UBE2H: variants seen among roughly 807,000 people sequenced by gnomAD.
The protein encoded by UBE2H is ubiquitin conjugating enzyme E2 H, also known as ubiquitin-conjugating enzyme E2 H.
In UBE2H, 3 loss-of-function variants were observed where a neutral mutation model predicts 29.0. That is an observed-to-expected ratio of 0.10 (90% CI 0.05 to 0.27). The LOEUF is 0.27. Ranked by LOEUF, UBE2H falls within the 10% of genes least tolerant of loss-of-function variation. The pLI, the probability that UBE2H is intolerant of heterozygous loss-of-function variation, is 1.00. For synonymous variants in UBE2H, 69 were observed against 82.9 expected (o/e 0.83, Z 0.91); for missense variants, 68 against 228.2 (o/e 0.30, Z 4.52).
chr7:129,834,808 A>C lies in UBE2H; in HGVS notation c.*129T>G, dbSNP rs1433067316. 7 of 1,001,842 alleles carry C rather than the reference A, an allele frequency of 7.0e-6. No individual in the cohort carries two copies. The Admixed American group carries it at 1.4e-4, about 20-fold the overall frequency. The allele number at this position is 1,001,842 out of a possible 1,614,324, so 62.1% of individuals were successfully genotyped here. ...AAAGGGTGATATATAATATATATAT[A>C]TCAATGCTATTATTCATAAAAACCT... On this transcript the variant is annotated 3_prime_UTR_variant, in exon 7 of 7. Transcript: ENST00000355621.
chr7:129,857,745 A>G (rs1217682673), intron 4 of UBE2H, among the ~76,000 whole-genome samples, 182 bp from the exon 5 acceptor site: 2 of 152,238 alleles, frequency 1.3e-5, no homozygotes, highest in Non-Finnish European at 2.9e-5. Flanking sequence ...GTCACCTTAC[A>G]GACTGAAAGG....
At chr7:129,942,282 C>G (rs941583161) in intron 1 of UBE2H, among the ~76,000 whole-genome samples, 2 of 149,614 alleles carry the variant, frequency 1.3e-5, no homozygotes, top group African/African-American at 4.9e-5. Context: ...CACCTGTAAT[C>G]CCAGCACTCT....
At chr7:129,935,096 G>A (rs1172956015) in intron 1 of UBE2H, among the ~76,000 whole-genome samples, 2 of 151,406 alleles carry the variant, frequency 1.3e-5, no homozygotes, top group African/African-American at 4.8e-5. Context: ...ATACATAGAA[G>A]CAGAAATATA....
chr7:129,848,754 G>C (rs1173806751), intron 5 of UBE2H, among the ~76,000 whole-genome samples: 1 of 151,414 alleles, frequency 6.6e-6, no homozygotes, highest in Non-Finnish European at 1.5e-5. Context: ...CCAAAATAAA[G>C]CCAACCATGA....
chr7:129,937,695 T>G (rs1807559540), intron 1 of UBE2H, among the ~76,000 whole-genome samples: 1 of 152,234 alleles, frequency 6.6e-6, no homozygotes, highest in Non-Finnish European at 1.5e-5. Flanking sequence ...AATCAAGGCA[T>G]TCAAAGGTCT....
chr7:129,861,365 T>C (rs1467542627), intron 3 of UBE2H, among the ~76,000 whole-genome samples: 1 of 152,128 alleles, frequency 6.6e-6, no homozygotes, highest in Non-Finnish European at 1.5e-5. Flanking sequence ...TGTAGAATTC[T>C]TAGTGGTGGT....
At chr7:129,889,480 T>A (rs1806430875) in intron 1 of UBE2H, among the ~76,000 whole-genome samples, 1 of 152,216 alleles carries the variant, frequency 6.6e-6, no homozygotes, top group Non-Finnish European at 1.5e-5. Flanking sequence ...GCTCTAAATT[T>A]CTAAGTGTAA....
chr7:129,901,501 G>A (rs929312688), intron 1 of UBE2H, among the ~76,000 whole-genome samples: 3 of 152,186 alleles, frequency 2.0e-5, no homozygotes, highest in Non-Finnish European at 2.9e-5. Context: ...AGACTGGCTG[G>A]AGGGGAAGCC....
At chr7:129,897,980 GATAAAAAACTTTC>G (rs1444999300) in intron 1 of UBE2H, among the ~76,000 whole-genome samples, 1 of 151,928 alleles carries the variant, frequency 6.6e-6, no homozygotes, top group Non-Finnish European at 1.5e-5. Flanking sequence ...AAAGAAGTGG[GATAAAAAACTTTC>G]AACAAAAACT....
intron 3 of UBE2H, among the ~76,000 whole-genome samples, chr7:129,859,157 G>T (rs988636173): frequency 6.6e-6 from 1 of 152,058 alleles, no homozygotes; most frequent in Non-Finnish European, 1.5e-5. Context: ...GAGCAAACTG[G>T]GAGAAATGCA....
At chr7:129,883,368 G>C (rs1159865042) in intron 1 of UBE2H, among the ~76,000 whole-genome samples, 1 of 152,204 alleles carries the variant, frequency 6.6e-6, no homozygotes, top group Non-Finnish European at 1.5e-5. Flanking sequence ...ATGCCTGTCA[G>C]CGCTACTCCC....
At chr7:129,891,119 G>C (rs1584768926) in intron 1 of UBE2H, among the ~76,000 whole-genome samples, 1 of 147,618 alleles carries the variant, frequency 6.8e-6, no homozygotes, top group East Asian at 2.0e-4. Context: ...CTGGGTGACA[G>C]AGCAAGACTC....
At chr7:129,949,718 G>T (rs537159290) in intron 1 of UBE2H, among the ~76,000 whole-genome samples, 1 of 152,306 alleles carries the variant, frequency 6.6e-6, no homozygotes, top group South Asian at 2.1e-4. Context: ...GTGGAAGGCA[G>T]CGGCCAATTA....
At chr7:129,869,187 C>T (rs142487243) in intron 3 of UBE2H, among the ~76,000 whole-genome samples, 7,178 of 152,074 alleles carry the variant, frequency 0.047, 190 homozygotes, top group South Asian at 0.13. Context: ...ATCCGCCTGC[C>T]TCGGCCTCCC....
chr7:129,834,210 T>C lies in UBE2H; in HGVS notation c.*727A>G, dbSNP rs1805281657. Reference sequence around the variant, plus strand: ...AAAAACAGGTCTGGATTTCACGCTCTACCCCAAGAAAAAGAACTGGTTCAG... The same window carrying C: ...AAAAACAGGTCTGGATTTCACGCTCCACCCCAAGAAAAAGAACTGGTTCAG... On this transcript the variant is annotated 3_prime_UTR_variant, in exon 7 of 7. Coordinates refer to ENST00000355621, the MANE Select transcript of UBE2H (RefSeq NM_003344.4). 6.6e-6 allele frequency: 1 copy of C among 152,156 alleles called. No homozygotes were observed. Among genetic ancestry groups the C allele is most frequent in the Admixed American group, 6.5e-5 (1 of 15,272 alleles). The allele number at this position is 152,156 out of a possible 1,614,324, so 9.4% of individuals were successfully genotyped here.
At chr7:129,918,873 G>A (rs544345069) in intron 1 of UBE2H, among the ~76,000 whole-genome samples, 1 of 151,952 alleles carries the variant, frequency 6.6e-6, no homozygotes, top group Non-Finnish European at 1.5e-5. Context: ...ACTTGAGCCC[G>A]GGAGTTTGAA....
At chr7:129,882,146 AT>A (rs968801087) in intron 1 of UBE2H, among the ~76,000 whole-genome samples, 2 of 152,152 alleles carry the variant, frequency 1.3e-5, no homozygotes, top group Non-Finnish European at 2.9e-5. Context: ...CTAAGATTCA[AT>A]TCTAGAAACC....
At chr7:129,948,846 T>A (rs1807816744) in intron 1 of UBE2H, 1 of 295,776 alleles carries the variant, frequency 3.4e-6, no homozygotes, top group Admixed American at 4.5e-5. Flanking sequence ...ACAGGTCAGG[T>A]TTTCCTCTTC....
chr7:129,927,496 C>T (rs144327120), intron 1 of UBE2H, among the ~76,000 whole-genome samples: 9,393 of 152,234 alleles, frequency 0.062, 364 homozygotes, highest in Non-Finnish European at 0.091. Context: ...GCCGAGATTG[C>T]GCCACTGCAC....
Sources: gnomAD v4.1 joint callset for allele counts (sites outside exome capture counted in the v4.1 genomes callset) on GRCh38, gnomAD v4.1.1 for gene constraint, MANE v1.5 for transcripts, NCBI Gene and HGNC (gene_info 2026-07-23, HGNC 2026-07-21) for gene names.